The following CLVS1 variants were observed in gnomAD, a reference collection of about 807,000 sequenced individuals.
The protein encoded by CLVS1 is clavesin 1.
Under a neutral mutation model 33.1 loss-of-function variants are expected in CLVS1, and 10 were observed. The observed-to-expected ratio is 0.30, with a 90% confidence interval of 0.19 to 0.51. The LOEUF is 0.51. Ranked by LOEUF, CLVS1 falls within the 20% of genes least tolerant of loss-of-function variation. CLVS1 has a pLI of 0.97. For missense variants in CLVS1, 343 were observed against 433.4 expected, an observed-to-expected ratio of 0.79 and a Z score of 1.85; for synonymous variants, 163 against 166.1, an observed-to-expected ratio of 0.98 and a Z score of 0.14.
the CLVS1 span, among the ~76,000 whole-genome samples, chr8:60,981,477 G>A: frequency 1.3e-5 from 2 of 152,228 alleles, no homozygotes; most frequent in Non-Finnish European, 2.9e-5. Flanking sequence ...TGTGTGGAGT[G>A]GCCTGCAGGA....
At chr8:61,452,499 A>T (rs1816998817) in intron 3 of CLVS1, among the ~76,000 whole-genome samples, 1 of 152,230 alleles carries the variant, frequency 6.6e-6, no homozygotes, top group African/African-American at 2.4e-5. Flanking sequence ...AAGTGATGAT[A>T]GTGAATAGCG....
intron 3 of CLVS1, among the ~76,000 whole-genome samples, chr8:61,404,489 A>C (rs1368370043): frequency 6.6e-6 from 1 of 152,176 alleles, no homozygotes; most frequent in Non-Finnish European, 1.5e-5. Flanking sequence ...GTCTATAATG[A>C]ATAGGTGAAA....
At chr8:61,244,353 C>A (rs1350260782) in intron 2 of CLVS1, among the ~76,000 whole-genome samples, 1 of 152,106 alleles carries the variant, frequency 6.6e-6, no homozygotes, top group Non-Finnish European at 1.5e-5. Flanking sequence ...AAAGCATACT[C>A]TCCATAAAAA....
intron 1 of CLVS1, among the ~76,000 whole-genome samples, chr8:61,296,851 C>T (rs906899425): frequency 3.3e-5 from 5 of 152,122 alleles, no homozygotes; most frequent in Non-Finnish European, 1.5e-5. Flanking sequence ...ACTCTTTTGG[C>T]CACACCCTGT....
At chr8:61,285,191 T>A (rs1809752078), upstream of CLVS1, among the ~76,000 whole-genome samples, 1 of 152,234 alleles carries the variant, frequency 6.6e-6, no homozygotes, top group African/African-American at 2.4e-5. Context: ...CCCAGGAATG[T>A]GTTTCAAAAT....
At chr8:61,184,300 A>T (rs1199659654) in intron 2 of CLVS1, among the ~76,000 whole-genome samples, 1 of 152,160 alleles carries the variant, frequency 6.6e-6, no homozygotes, top group Admixed American at 6.5e-5. Flanking sequence ...CATGAAGGAG[A>T]GGAGAAAGTG....
At chr8:61,401,406 T>G (rs993119253) in intron 3 of CLVS1, among the ~76,000 whole-genome samples, 1 of 152,118 alleles carries the variant, frequency 6.6e-6, no homozygotes, top group Non-Finnish European at 1.5e-5. Flanking sequence ...GTTGTGGGGT[T>G]TTCATAGATG....
chr8:61,289,046 T>C (rs1224376861), intron 1 of CLVS1, among the ~76,000 whole-genome samples: 2 of 152,194 alleles, frequency 1.3e-5, no homozygotes, highest in Non-Finnish European at 2.9e-5. Flanking sequence ...ATCTTAAACC[T>C]CTCTTTGAAG....
intron 2 of CLVS1, among the ~76,000 whole-genome samples, chr8:61,324,792 T>C (rs1344202011): frequency 6.6e-6 from 1 of 152,110 alleles, no homozygotes; most frequent in Non-Finnish European, 1.5e-5. Flanking sequence ...CTTTGAGAAA[T>C]TGCCACACTG....
At chr8:61,207,033 GATGA>G (rs1479143912) in intron 2 of CLVS1, among the ~76,000 whole-genome samples, 1 of 152,210 alleles carries the variant, frequency 6.6e-6, no homozygotes, top group Non-Finnish European at 1.5e-5. Context: ...GGAGACATTT[GATGA>G]ATGAATGAAA....
intron 3 of CLVS1, among the ~76,000 whole-genome samples, chr8:61,428,927 T>A (rs1252927030): frequency 6.6e-6 from 1 of 152,208 alleles, no homozygotes; most frequent in African/African-American, 2.4e-5. Context: ...CATACACATA[T>A]TAAGTATATA....
At chr8:61,306,732 TCC>T (rs1810643103) in intron 2 of CLVS1, among the ~76,000 whole-genome samples, 1 of 152,244 alleles carries the variant, frequency 6.6e-6, no homozygotes, top group African/African-American at 2.4e-5. Context: ...CATACTGTTC[TCC>T]ATAGTAGCTG....
At chr8:61,193,453 G>T (rs1024590971) in intron 2 of CLVS1, among the ~76,000 whole-genome samples, 1 of 151,904 alleles carries the variant, frequency 6.6e-6, no homozygotes, top group African/African-American at 2.4e-5. Context: ...CACCAACATG[G>T]CACATGTATA....
intron 2 of CLVS1, among the ~76,000 whole-genome samples, chr8:61,195,338 G>A (rs1029774746): frequency 2.6e-5 from 4 of 151,700 alleles, no homozygotes; most frequent in African/African-American, 9.7e-5. Context: ...TCCAAATCAG[G>A]AATTAAAAGC....
Position 61,354,963 on chromosome 8 carries a change from T to C in CLVS1, c.456-21642T>C, listed in dbSNP as rs563350034. ...AAATAAACATATACACATGCACACA[T>C]ACAAACAAATTATTACAACTGCATC... On this transcript the variant is annotated intron_variant, in intron 2 of 5. Coordinates refer to ENST00000325897, the MANE Select transcript of CLVS1 (RefSeq NM_173519.3). Among the ~76,000 whole-genome samples, 11 of 152,270 alleles carry C rather than the reference T, an allele frequency of 7.2e-5. No individual in the cohort carries two copies. In the South Asian group the frequency reaches 2.3e-3, roughly 32 times the overall value.
At chr8:61,377,763 G>T (rs1446710486) in intron 3 of CLVS1, 1 of 152,190 alleles carries the variant, frequency 6.6e-6, no homozygotes, top group Non-Finnish European at 1.5e-5. Context: ...CCTCTGATAA[G>T]CATGTATTTA....
At chr8:61,194,986 G>T (rs1360094782) in intron 2 of CLVS1, among the ~76,000 whole-genome samples, 3 of 151,736 alleles carry the variant, frequency 2.0e-5, no homozygotes, top group Admixed American at 6.6e-5. Context: ...AAGAGAATCA[G>T]AATACAAATG....
chr8:61,057,847 C>A (rs1804507088), intron 1 of CLVS1, among the ~76,000 whole-genome samples: 1 of 152,278 alleles, frequency 6.6e-6, no homozygotes, highest in East Asian at 1.9e-4. Context: ...CAGCCTTTCA[C>A]CTAGAAAGAT....
At chr8:61,345,864 C>A (rs761748405) in intron 2 of CLVS1, among the ~76,000 whole-genome samples, 6 of 151,904 alleles carry the variant, frequency 3.9e-5, no homozygotes, top group Non-Finnish European at 8.8e-5. Flanking sequence ...CTGGCAGGAT[C>A]CCTTGGGGAG....
Sources: allele counts gnomAD v4.1 joint callset (sites outside exome capture counted in the v4.1 genomes callset), GRCh38; gene constraint gnomAD v4.1.1; transcripts MANE v1.5; gene names NCBI Gene and HGNC (gene_info 2026-07-23, HGNC 2026-07-21).